CHID1: variants seen among roughly 807,000 people sequenced by gnomAD.
The protein encoded by CHID1 is chitinase domain-containing protein 1.
Under a neutral mutation model 55.4 loss-of-function variants are expected in CHID1, and 44 were observed. The ratio of observed to expected loss-of-function variants is 0.79; its 90% confidence interval spans 0.62 to 1.02. The LOEUF (loss-of-function observed/expected upper bound fraction) is 1.02. Among genes scored for constraint, CHID1 ranks in the 50% least tolerant of loss-of-function variants. The pLI is 0.00. For missense variants in CHID1, 491 were observed against 515.3 expected, an observed-to-expected ratio of 0.95 and a Z score of 0.46; for synonymous variants, 216 against 212.9, an observed-to-expected ratio of 1.01 and a Z score of -0.13.
intron 1 of CHID1, among the ~76,000 whole-genome samples, chr11:905,746 T>A (rs923704789): frequency 6.6e-6 from 1 of 152,072 alleles, no homozygotes; most frequent in Non-Finnish European, 1.5e-5. Context: ...CCACGTTAAG[T>A]ACTAGGAGAA....
At chr11:897,394 G>A (rs1565192231) in intron 7 of CHID1, among the ~76,000 whole-genome samples, 1 of 152,222 alleles carries the variant, frequency 6.6e-6, no homozygotes, top group Non-Finnish European at 1.5e-5. Flanking sequence ...CTGGTTAATA[G>A]ACCCACTCTC....
rs879576727 is a variant in CHID1 at position 881,860 on chromosome 11, G to A, written c.959+1288C>T. 1.6e-4 allele frequency among the ~76,000 whole-genome samples: 25 copies of A among 151,834 alleles called. 1 individual carries two copies. The highest frequency in any genetic ancestry group is 2.2e-4 in the Non-Finnish European group (15 of 67,926). On this transcript the variant is annotated intron_variant, in intron 10 of 12. Coordinates refer to ENST00000323578, the MANE Select transcript of CHID1 (RefSeq NM_023947.4). ...CTACAAAAAAAATACAAAAATTAGCGGGGCATGGTGGCATGCACCTGTGGT... is the reference window on the plus strand; with the variant it reads ...CTACAAAAAAAATACAAAAATTAGCAGGGCATGGTGGCATGCACCTGTGGT...
chr11:902,089 C>T, intron 4 of CHID1, 109 bp downstream of exon 4: 1 of 1,310,174 alleles, frequency 7.6e-7, no homozygotes, highest in Non-Finnish European at 1.1e-6. Context: ...CACTCCCATA[C>T]AGAGACACCC....
chr11:901,431 G>C (rs1368561291), intron 4 of CHID1, among the ~76,000 whole-genome samples: 1 of 152,178 alleles, frequency 6.6e-6, no homozygotes, highest in Non-Finnish European at 1.5e-5. Context: ...CTCCAAAACT[G>C]CCTAACACTT....
At chr11:885,032 C>T (rs544744469) in intron 8 of CHID1, among the ~76,000 whole-genome samples, 4 of 152,346 alleles carry the variant, frequency 2.6e-5, no homozygotes, top group South Asian at 2.1e-4. Flanking sequence ...AGGTCAACAC[C>T]GAGGGGGCGG....
chr11:909,249 A>C (rs1294537689), intron 1 of CHID1, among the ~76,000 whole-genome samples: 1 of 151,690 alleles, frequency 6.6e-6, no homozygotes, highest in Non-Finnish European at 1.5e-5. Context: ...CATAACACAG[A>C]CTCCCAGGTT....
intron 10 of CHID1, among the ~76,000 whole-genome samples, chr11:878,504 G>A (rs1409595856): frequency 3.3e-5 from 5 of 151,444 alleles, no homozygotes; most frequent in African/African-American, 7.3e-5. Flanking sequence ...CAGAGGATGC[G>A]GTGAGCCAAG....
At chr11:910,961 C>G (rs888344010), upstream of CHID1, 1 of 394,222 alleles carries the variant, frequency 2.5e-6, no homozygotes, top group Non-Finnish European at 3.4e-6. Context: ...GGGGCCGGGG[C>G]CGGGGCGGGG....
rs1849424784 is a variant in CHID1, at chr11:875,175, A to C, written c.960-4676T>G. ...CATAGCTGATGGCTGGCCCTCCCCA[A>C]GCCCACCCTGCAGACACTGAAACCC... On this transcript the variant is annotated intron_variant, in intron 10 of 12. Coordinates refer to ENST00000323578, the MANE Select transcript of CHID1 (RefSeq NM_023947.4). This position sits in a 1 kb window ranked among gnomAD's most constrained non-coding sequence, Gnocchi z 4.7. 6.6e-6 allele frequency among the ~76,000 whole-genome samples: 1 copy of C among 152,244 alleles called. No homozygotes were observed.
chr11:905,286 C>T (rs1368267845), intron 1 of CHID1, among the ~76,000 whole-genome samples: 1 of 152,262 alleles, frequency 6.6e-6, no homozygotes, highest in Non-Finnish European at 1.5e-5. Context: ...CGCCTGTAAT[C>T]CCAACACTTT....
At chr11:870,543 C>T (rs756307402) in intron 10 of CHID1, 44 bp from the exon 11 acceptor site, 3 of 1,364,114 alleles carry the variant, frequency 2.2e-6, no homozygotes, top group Non-Finnish European at 3.1e-6. Flanking sequence ...CCCAGCTCCC[C>T]CACAGCCCCA....
chr11:900,779 G>A lies in CHID1; in HGVS notation c.439+157C>T, dbSNP rs528859700. The stretch of plus-strand genomic sequence containing the variant: ...TCCAGCCAGACTAAGGGCTGTGAAT[G>A]CCAGGCCAGGGCCAGCCTCATCTCT... On this transcript the variant is annotated intron_variant, in intron 5 of 12. Coordinates refer to ENST00000323578, the MANE Select transcript of CHID1 (RefSeq NM_023947.4). Among the ~76,000 whole-genome samples, 34 of 152,336 alleles carry A rather than the reference G, an allele frequency of 2.2e-4. 2 individuals are homozygous for A. In the South Asian group the frequency reaches 7.0e-3, roughly 32 times the overall value.
At chr11:870,335 G>A in intron 11 of CHID1, 84 bp downstream of exon 11, 3 of 1,357,048 alleles carry the variant, frequency 2.2e-6, no homozygotes, top group Non-Finnish European at 3.1e-6. Context: ...AGACCCCCTG[G>A]GCCCTGCTGC....
intron 10 of CHID1, among the ~76,000 whole-genome samples, chr11:872,880 C>G (rs1849267080): frequency 6.6e-6 from 1 of 152,176 alleles, no homozygotes; most frequent in African/African-American, 2.4e-5. Flanking sequence ...GGTCACTGCT[C>G]AAAATCTGCT....
chr11:869,803 A>ATG lies in CHID1; in HGVS notation c.*54_*55insCA. On this transcript the variant is annotated 3_prime_UTR_variant, in exon 13 of 13. Transcript: ENST00000323578. Reference sequence around the variant, plus strand: ...GGAGGCCTGTATTTCACACCTGCTCACTCACTCCATGGCTTAGAAAAGAAC... The same window carrying ATG: ...GGAGGCCTGTATTTCACACCTGCTCATGCTCACTCCATGGCTTAGAAAAGAAC... 1 of 1,484,142 alleles carries ATG rather than the reference A, an allele frequency of 6.7e-7. No homozygotes were observed. The highest frequency in any genetic ancestry group is 9.4e-7 in the Non-Finnish European group (1 of 1,062,986). 91.9% of individuals were successfully genotyped at this position (1,484,142 alleles called of 1,614,324 possible). A position where few individuals can be genotyped will look rare whatever the true frequency, so the allele number is the denominator to read the frequency against.
At chr11:894,916 G>A (rs1851149822) in intron 7 of CHID1, among the ~76,000 whole-genome samples, 1 of 152,184 alleles carries the variant, frequency 6.6e-6, no homozygotes, top group Non-Finnish European at 1.5e-5. Flanking sequence ...GTCAATTCCT[G>A]GGTAACTCTG....
intron 10 of CHID1, among the ~76,000 whole-genome samples, chr11:873,421 G>A (rs1487859029): frequency 6.6e-6 from 1 of 152,132 alleles, no homozygotes; most frequent in African/African-American, 2.4e-5. Flanking sequence ...CTCCCAGGAG[G>A]AACAAGGGCC....
Position 875,130 on chromosome 11 carries a change from G to A in CHID1, c.960-4631C>T, listed in dbSNP as rs1849421072. 6.6e-6 allele frequency among the ~76,000 whole-genome samples: 1 copy of A among 152,226 alleles called. No homozygotes were observed. The highest frequency in any genetic ancestry group is 1.9e-4 in the East Asian group (1 of 5,200). ...GTGAGGCCCCCAGTGCCAGGCCCAG[G>A]CCCCCTCCTGAAGGGAGGACATAGC... On this transcript the variant is annotated intron_variant, in intron 10 of 12. Coordinates refer to ENST00000323578, the MANE Select transcript of CHID1 (RefSeq NM_023947.4). The surrounding 1 kb of genome is among the most constrained non-coding windows in gnomAD (Gnocchi z 4.7).
At chr11:877,846 G>GACACT (rs1849625264) in intron 10 of CHID1, among the ~76,000 whole-genome samples, 2 of 151,772 alleles carry the variant, frequency 1.3e-5, no homozygotes, top group Non-Finnish European at 1.5e-5. Flanking sequence ...TTTAGAAGGC[G>GACACT]GCACTGTGGG....
Sources: allele counts gnomAD v4.1 joint callset (sites outside exome capture counted in the v4.1 genomes callset), GRCh38; gene constraint gnomAD v4.1.1; non-coding constraint Gnocchi (gnomAD v3.1); transcripts MANE v1.5; gene names NCBI Gene and HGNC (gene_info 2026-07-23, HGNC 2026-07-21).